ANK2: variants seen among roughly 807,000 people sequenced by gnomAD.
ANK2 encodes ankyrin-2.
Under a neutral mutation model 360.5 loss-of-function variants are expected in ANK2, and 83 were observed. The observed-to-expected ratio is 0.23, with a 90% confidence interval of 0.19 to 0.28. The LOEUF (loss-of-function observed/expected upper bound fraction) is 0.28, where lower values mean the gene tolerates loss of function less well. Ranked by LOEUF, ANK2 falls within the 10% of genes least tolerant of loss-of-function variation. The pLI is 1.00. For synonymous variants in ANK2, 1,740 were observed against 1,759.5 expected (o/e 0.99, Z 0.28); for missense variants, 4,201 against 4,795.7 (o/e 0.88, Z 3.66).
intron 2 of ANK2, among the ~76,000 whole-genome samples, chr4:112,970,419 A>G (rs2039087637): frequency 6.6e-6 from 1 of 151,846 alleles, no homozygotes; most frequent in Non-Finnish European, 1.5e-5. Context: ...CAGTGGTGCA[A>G]TCTTGGCTCA....
At chr4:112,903,340 T>A (rs1468607600) in intron 1 of ANK2, among the ~76,000 whole-genome samples, 1 of 152,148 alleles carries the variant, frequency 6.6e-6, no homozygotes, top group African/African-American at 2.4e-5. Flanking sequence ...AGTGTAGTCT[T>A]TAAAAATTAT....
chr4:113,245,092 C>T, intron 9 of ANK2, among the ~76,000 whole-genome samples: 1 of 152,014 alleles, frequency 6.6e-6, no homozygotes, highest in East Asian at 1.9e-4. Context: ...ACTAAACTTT[C>T]CCCCCATAAG....
At chr4:113,205,122 G>C (rs1217847804) in intron 4 of ANK2, among the ~76,000 whole-genome samples, 1 of 149,546 alleles carries the variant, frequency 6.7e-6, no homozygotes, top group Non-Finnish European at 1.5e-5. Context: ...TGTAGTCCCA[G>C]CTACTTGGGA....
chr4:113,179,156 C>T (rs2098327414), intron 2 of ANK2, among the ~76,000 whole-genome samples: 1 of 152,060 alleles, frequency 6.6e-6, no homozygotes, highest in Non-Finnish European at 1.5e-5. Flanking sequence ...CAAACTATTG[C>T]TATTTCTAAG....
rs568143178 is a variant in ANK2 at position 112,862,886 on chromosome 4, A to T, written c.-39-41569A>T. Among the ~76,000 whole-genome samples, 15 of 149,628 alleles carry T rather than the reference A, an allele frequency of 1.0e-4. No individual in the cohort carries two copies. The South Asian group carries it at 3.2e-3, about 32-fold the overall frequency. ...GTAACATAGCAAGACTCTCTCTCTT[A>T]AAAAAAAAATGAAATGAAAGCCATT... On this transcript the variant is annotated intron_variant, in intron 1 of 30. Coordinates refer to the ANK2 transcript ENST00000503271.
At chr4:113,280,047 T>C (rs2061677898) in intron 17 of ANK2, among the ~76,000 whole-genome samples, 1 of 152,150 alleles carries the variant, frequency 6.6e-6, no homozygotes, top group Non-Finnish European at 1.5e-5. Context: ...GGAATAAAAA[T>C]ATACCTGCTC....
At chr4:113,256,676 C>A (rs1428735232) in intron 11 of ANK2, among the ~76,000 whole-genome samples, 2 of 152,092 alleles carry the variant, frequency 1.3e-5, no homozygotes, top group African/African-American at 2.4e-5. Flanking sequence ...AAAGTAAATC[C>A]TTTTTTTCTA....
At chr4:113,136,613 G>A (rs2096424149) in intron 1 of ANK2, among the ~76,000 whole-genome samples, 1 of 152,090 alleles carries the variant, frequency 6.6e-6, no homozygotes, top group Admixed American at 6.6e-5. Context: ...GCCGGGGGAG[G>A]TGGAGGTTGC....
At chr4:112,827,308 C>A (rs1579137240) in intron 1 of ANK2, 2 of 1,109,568 alleles carry the variant, frequency 1.8e-6, no homozygotes, top group Non-Finnish European at 2.8e-6. Context: ...TCCAGAACAG[C>A]TGAGATTAAA....
intron 23 of ANK2, among the ~76,000 whole-genome samples, chr4:113,305,549 T>C (rs1242080139): frequency 6.6e-6 from 1 of 152,196 alleles, no homozygotes; most frequent in Non-Finnish European, 1.5e-5. Flanking sequence ...CAAAACTTAA[T>C]GATATTTCTT....
At chr4:113,055,067 C>G (rs2068951692) in intron 1 of ANK2, among the ~76,000 whole-genome samples, 1 of 152,000 alleles carries the variant, frequency 6.6e-6, no homozygotes, top group South Asian at 2.1e-4. Context: ...TTAACAGGCT[C>G]CCAACTCTTT....
intron 2 of ANK2, among the ~76,000 whole-genome samples, chr4:113,038,730 G>A (rs2062180448): frequency 6.6e-6 from 1 of 152,044 alleles, no homozygotes; most frequent in African/African-American, 2.4e-5. Context: ...CCTCTGGGAA[G>A]CCAACTGTAA....
intron 18 of ANK2, among the ~76,000 whole-genome samples, 187 bp downstream of exon 18, chr4:113,283,059 A>C (rs2063012806): frequency 6.6e-6 from 1 of 152,200 alleles, no homozygotes; most frequent in East Asian, 1.9e-4. Context: ...AGCAAGGGAG[A>C]GAGACTCTCT....
At chr4:112,785,253 C>G in the ANK2 span, among the ~76,000 whole-genome samples, 13 of 152,306 alleles carry the variant, frequency 8.5e-5, no homozygotes, top group South Asian at 2.1e-3. Flanking sequence ...CCCCTTGATC[C>G]TTAATATGTG....
chr4:113,087,583 A>G (rs2085478583), intron 1 of ANK2, among the ~76,000 whole-genome samples: 2 of 152,134 alleles, frequency 1.3e-5, no homozygotes, highest in South Asian at 4.1e-4. Context: ...TTAAACAAAG[A>G]TGGCTTAATC....
intron 2 of ANK2, among the ~76,000 whole-genome samples, chr4:112,991,356 G>A (rs1240864880): frequency 6.6e-6 from 1 of 152,058 alleles, no homozygotes; most frequent in Non-Finnish European, 1.5e-5. Context: ...GCAAAAGCTT[G>A]GGGTATCATA....
At chr4:112,802,059 G>A in the ANK2 span, among the ~76,000 whole-genome samples, 9 of 152,072 alleles carry the variant, frequency 5.9e-5, no homozygotes, top group Non-Finnish European at 1.2e-4. Flanking sequence ...GGATGTGGGG[G>A]AAAAGGGTCA....
chr4:112,877,538 G>T (rs561913801), intron 1 of ANK2, among the ~76,000 whole-genome samples: 1 of 152,268 alleles, frequency 6.6e-6, no homozygotes, highest in African/African-American at 2.4e-5. Flanking sequence ...TTCTTGCTCA[G>T]TCAAGCTTCT....
At chr4:113,078,761 G>C (rs531438783) in intron 1 of ANK2, among the ~76,000 whole-genome samples, 43 of 152,244 alleles carry the variant, frequency 2.8e-4, no homozygotes, top group African/African-American at 9.6e-4. Flanking sequence ...ACGTTTACCT[G>C]TAAATATTCT....
Sources: gnomAD v4.1 joint callset for allele counts (sites outside exome capture counted in the v4.1 genomes callset) on GRCh38, gnomAD v4.1.1 for gene constraint, MANE v1.5 for transcripts, NCBI Gene and HGNC (gene_info 2026-07-23, HGNC 2026-07-21) for gene names.